LIPA: variants seen among roughly 807,000 people sequenced by gnomAD.
LIPA encodes lysosomal acid lipase/cholesteryl ester hydrolase.
In LIPA, 26 loss-of-function variants were observed where a neutral mutation model predicts 40.6. That is an observed-to-expected ratio of 0.64 (90% confidence interval 0.47 to 0.89). The LOEUF (loss-of-function observed/expected upper bound fraction) is 0.89. LIPA is among the 40% of genes least tolerant of loss of function. The pLI is 0.00. For missense variants in LIPA, 455 were observed against 479.6 expected (o/e 0.95, Z 0.48); for synonymous variants, 188 against 168.4 (o/e 1.12, Z -0.90).
At chr10:89,329,305 T>C (rs980326684) in intron 1 of LIPA, among the ~76,000 whole-genome samples, 2 of 152,186 alleles carry the variant, frequency 1.3e-5, no homozygotes, top group Non-Finnish European at 2.9e-5. Context: ...TAGAATACCC[T>C]TTTATATAGA....
intron 1 of LIPA, chr10:89,339,412 A>G: frequency 3.1e-6 from 5 of 1,614,220 alleles, no homozygotes; most frequent in Non-Finnish European, 4.2e-6. Context: ...ATTTTACAGA[A>G]GAAAAGGTGA....
intron 2 of LIPA, chr10:89,378,049 A>G: frequency 7.0e-7 from 1 of 1,426,066 alleles, no homozygotes; most frequent in Non-Finnish European, 9.8e-7. Context: ...CTTATCTGAG[A>G]AGCCCTAGAA....
At chr10:89,254,966 C>T (rs576318085), upstream of LIPA, among the ~76,000 whole-genome samples, 3 of 152,302 alleles carry the variant, frequency 2.0e-5, no homozygotes, top group East Asian at 5.8e-4. Context: ...ATTTCATTGT[C>T]CATATCATTA....
chr10:89,247,660 A>G lies in LIPA; in HGVS notation c.-1-11T>C. Reference sequence around the variant, plus strand: ...AACCGCATTTTCATTCTGTATAATAAAACAGTCTATTATTATTTGCTTGAA... The same window carrying G: ...AACCGCATTTTCATTCTGTATAATAGAACAGTCTATTATTATTTGCTTGAA... On this transcript the variant is annotated splice_polypyrimidine_tract_variant and intron_variant, in intron 1 of 9. Coordinates refer to ENST00000336233, the MANE Select transcript of LIPA (RefSeq NM_000235.4). The G allele has an allele frequency of 6.5e-7, 1 of 1,541,672 alleles. No homozygotes were observed.
chr10:89,219,855 C>T (rs1842674937), intron 8 of LIPA, among the ~76,000 whole-genome samples: 1 of 152,244 alleles, frequency 6.6e-6, no homozygotes, highest in Admixed American at 6.5e-5. Flanking sequence ...AGAGCAAAGG[C>T]CCAGGCTGCC....
intron 2 of LIPA, among the ~76,000 whole-genome samples, chr10:89,353,068 G>T (rs920969457): frequency 3.3e-5 from 5 of 152,262 alleles, no homozygotes; most frequent in Admixed American, 3.3e-4. Flanking sequence ...TAGGTAGTTA[G>T]ACATGAACAG....
intron 2 of LIPA, among the ~76,000 whole-genome samples, chr10:89,367,073 G>A (rs1158029358): frequency 6.6e-6 from 1 of 151,382 alleles, no homozygotes; most frequent in Non-Finnish European, 1.5e-5. Context: ...ACTATCTCAA[G>A]GACAAAAAAC....
At chr10:89,271,398 T>C (rs1468351249) in intron 1 of LIPA, among the ~76,000 whole-genome samples, 6 of 152,192 alleles carry the variant, frequency 3.9e-5, no homozygotes. Flanking sequence ...GATTTGTAGC[T>C]TCATTAACCT....
At chr10:89,382,218 G>C (rs1412862674) in intron 2 of LIPA, among the ~76,000 whole-genome samples, 4 of 152,154 alleles carry the variant, frequency 2.6e-5, no homozygotes, top group Admixed American at 6.5e-5. Flanking sequence ...GCCATATAGA[G>C]AGTAAGAGAA....
intron 1 of LIPA, among the ~76,000 whole-genome samples, chr10:89,322,156 C>G (rs1023324378): frequency 6.6e-6 from 1 of 152,132 alleles, no homozygotes; most frequent in Non-Finnish European, 1.5e-5. Context: ...CAACATGGCA[C>G]AAGTATACAT....
At chr10:89,347,957 G>A (rs1843933514) in intron 2 of LIPA, among the ~76,000 whole-genome samples, 1 of 152,176 alleles carries the variant, frequency 6.6e-6, no homozygotes. Flanking sequence ...GCCTTCCATG[G>A]TGAGGCCTAC....
chr10:89,393,378 G>C, intron 2 of LIPA: 1 of 1,057,274 alleles, frequency 9.5e-7, no homozygotes, highest in South Asian at 1.5e-5. Flanking sequence ...CATCTGCTTG[G>C]GAAGATCCGT....
At chr10:89,366,299 T>G (rs530948126) in intron 2 of LIPA, among the ~76,000 whole-genome samples, 73 of 152,296 alleles carry the variant, frequency 4.8e-4, no homozygotes, top group African/African-American at 8.7e-4. Context: ...ATTGATTTTG[T>G]ATCCTGAGAC....
rs781136810 is a variant in LIPA, at chr10:89,307,414, G to C, written c.-2+35197C>G. On this transcript the variant is annotated intron_variant, in intron 1 of 5. Transcript: ENST00000282673. ...GGTGCCCACTAGGCTACTGCTGAAA[G>C]GGAGCTGAAATTCCTCCACCAAGTT... The C allele has an allele frequency of 3.3e-6, 5 of 1,499,702 alleles. No individual in the cohort carries two copies. In the African/African-American group the frequency reaches 4.2e-5, roughly 13 times the overall value. The allele number at this position is 1,499,702 out of a possible 1,614,324, so 92.9% of individuals were successfully genotyped here.
chr10:89,278,529 G>T (rs1032269674), intron 1 of LIPA: 1 of 152,188 alleles, frequency 6.6e-6, no homozygotes, highest in East Asian at 1.9e-4. Flanking sequence ...GAGGGAAAGA[G>T]AGGTTAAGCA....
At chr10:89,383,658 G>A in intron 2 of LIPA, 1 of 1,614,264 alleles carries the variant, frequency 6.2e-7, no homozygotes, top group South Asian at 1.1e-5. Flanking sequence ...CAGAAGCCCA[G>A]ACTTACCTGG....
At chr10:89,301,369 A>T (rs1279964068) in intron 1 of LIPA, among the ~76,000 whole-genome samples, 2 of 152,254 alleles carry the variant, frequency 1.3e-5, no homozygotes, top group Non-Finnish European at 2.9e-5. Flanking sequence ...GAGGCTAAAT[A>T]ACTGCTCCTT....
chr10:89,254,158 G>A (rs2482627), upstream of LIPA, among the ~76,000 whole-genome samples: 4,865 of 152,344 alleles, frequency 0.032, 110 homozygotes, highest in Non-Finnish European at 0.052. Flanking sequence ...GGGACTCTGT[G>A]TGAGGCCTCC....
rs1218879647 is a variant in LIPA at position 89,379,090 on chromosome 10, G to C, written c.61+33701C>G. Among the ~76,000 whole-genome samples, 5 of 152,324 alleles carry C rather than the reference G, an allele frequency of 3.3e-5. No individual in the cohort carries two copies. In the East Asian group the frequency reaches 9.6e-4, roughly 29 times the overall value. ...TGATAAATTGGTTAAATTCACGTGG[G>C]AAAAAGAAGCTACTTTCAGAGATGG... On this transcript the variant is annotated intron_variant, in intron 2 of 8. Coordinates refer to the LIPA transcript ENST00000371837.
Sources: gnomAD v4.1 joint callset for allele counts (sites outside exome capture counted in the v4.1 genomes callset) on GRCh38, gnomAD v4.1.1 for gene constraint, MANE v1.5 for transcripts, NCBI Gene and HGNC (gene_info 2026-07-23, HGNC 2026-07-21) for gene names.